ERICH6B: variants seen among roughly 807,000 people sequenced by gnomAD.
The protein encoded by ERICH6B is glutamate rich 6B.
A neutral mutation model predicts 80.0 loss-of-function variants in ERICH6B; 69 were observed. The ratio of observed to expected loss-of-function variants is 0.86; its 90% confidence interval spans 0.71 to 1.05. The LOEUF (loss-of-function observed/expected upper bound fraction) is 1.05, where lower values mean the gene tolerates loss of function less well. Ranked by LOEUF, ERICH6B falls within the 50% of genes least tolerant of loss-of-function variation. The pLI, the probability that ERICH6B is intolerant of heterozygous loss-of-function variation, is 0.00. For synonymous variants in ERICH6B, 283 were observed against 291.9 expected, an observed-to-expected ratio of 0.97 and a Z score of 0.31; for missense variants, 754 against 796.1, an observed-to-expected ratio of 0.95 and a Z score of 0.64.
intron 8 of ERICH6B, among the ~76,000 whole-genome samples, chr13:45,572,540 A>G (rs1432533374): frequency 6.6e-6 from 1 of 152,238 alleles, no homozygotes; most frequent in African/African-American, 2.4e-5. Context: ...AATGAATTAT[A>G]AAAACTCTTT....
At chr13:45,563,218 C>G (rs1217715113) in intron 10 of ERICH6B, among the ~76,000 whole-genome samples, 1 of 152,130 alleles carries the variant, frequency 6.6e-6, no homozygotes, top group African/African-American at 2.4e-5. Context: ...TGGAGTACCC[C>G]ACTCCCCCAA....
chr13:45,575,012 A>G, intron 7 of ERICH6B, 82 bp from the exon 8 acceptor site: 1 of 904,466 alleles, frequency 1.1e-6, no homozygotes, highest in Non-Finnish European at 1.7e-6. Flanking sequence ...AAGAATAGAA[A>G]TAGATTGATG....
At chr13:45,565,491 C>T (rs1463847383) in intron 9 of ERICH6B, among the ~76,000 whole-genome samples, 1 of 152,186 alleles carries the variant, frequency 6.6e-6, no homozygotes, top group African/African-American at 2.4e-5. Flanking sequence ...ACTGTCTTGC[C>T]ACCCAAATCT....
chr13:45,554,585 A>G (rs1311406904), intron 11 of ERICH6B, among the ~76,000 whole-genome samples: 4 of 152,256 alleles, frequency 2.6e-5, no homozygotes, highest in African/African-American at 9.6e-5. Context: ...CAAGAACCCC[A>G]TGGACAAAGC....
chr13:45,589,263 CA>C (rs1376096203), intron 4 of ERICH6B, among the ~76,000 whole-genome samples: 9 of 152,146 alleles, frequency 5.9e-5, no homozygotes. Flanking sequence ...AAGGCCCCCC[CA>C]GGGCCTCTCT....
chr13:45,547,549 C>T (rs566641520), intron 13 of ERICH6B, among the ~76,000 whole-genome samples: 31 of 152,260 alleles, frequency 2.0e-4, no homozygotes, highest in African/African-American at 6.7e-4. Flanking sequence ...AAAAGCCACA[C>T]GCAGGGGTGG....
At chr13:45,600,719 T>G (rs1949822309) in intron 2 of ERICH6B, among the ~76,000 whole-genome samples, 1 of 152,234 alleles carries the variant, frequency 6.6e-6, no homozygotes, top group South Asian at 2.1e-4. Flanking sequence ...CTATTTTGTA[T>G]ATATGCCACA....
At chr13:45,589,959 G>A (rs949767563) in intron 4 of ERICH6B, among the ~76,000 whole-genome samples, 1 of 152,174 alleles carries the variant, frequency 6.6e-6, no homozygotes. Flanking sequence ...GTGCCCTCAA[G>A]TTGTAACTTA....
At chr13:45,606,499 GTA>G (rs34684231) in intron 2 of ERICH6B, among the ~76,000 whole-genome samples, 2,953 of 40,484 alleles carry the variant, frequency 0.073, 189 homozygotes, top group East Asian at 0.18. Context: ...TCCCAAAAGT[GTA>G]TGTGTATATA....
chr13:45,546,874 C>A (rs2137957312), intron 13 of ERICH6B, among the ~76,000 whole-genome samples: 1 of 152,310 alleles, frequency 6.6e-6, no homozygotes, highest in South Asian at 2.1e-4. Flanking sequence ...GTCACTCAAT[C>A]CCAAATCCTC....
chr13:45,590,082 T>C (rs979809877), intron 4 of ERICH6B, among the ~76,000 whole-genome samples: 1 of 152,094 alleles, frequency 6.6e-6, no homozygotes, highest in Non-Finnish European at 1.5e-5. Context: ...GGGGAGAAAG[T>C]GTAGGGGACA....
chr13:45,577,473 G>A (rs904346201), intron 7 of ERICH6B, among the ~76,000 whole-genome samples: 3 of 151,688 alleles, frequency 2.0e-5, no homozygotes, highest in Non-Finnish European at 4.4e-5. Flanking sequence ...TAGTAGAGAC[G>A]GGGTTCTACC....
At chr13:45,566,276 AAAGAAAATCCTATTTTCTGAG>A (rs1164947636) in intron 9 of ERICH6B, among the ~76,000 whole-genome samples, 4 of 152,274 alleles carry the variant, frequency 2.6e-5, no homozygotes, top group Non-Finnish European at 4.4e-5. Flanking sequence ...ATGCAATAGA[AAAGAAAATCCTATTTTCTGAG>A]AAGAAAATCA....
intron 11 of ERICH6B, chr13:45,555,485 A>G (rs913696796): frequency 6.6e-6 from 1 of 152,216 alleles, no homozygotes; most frequent in Admixed American, 6.5e-5. Flanking sequence ...AATTGAGGCC[A>G]CACTCATGAT....
chr13:45,573,484 AT>A (rs1283893839), intron 8 of ERICH6B, among the ~76,000 whole-genome samples: 8 of 152,212 alleles, frequency 5.3e-5, no homozygotes, highest in Non-Finnish European at 1.0e-4. Context: ...CTACTTCAAT[AT>A]TTTAAAATGG....
intron 2 of ERICH6B, among the ~76,000 whole-genome samples, chr13:45,605,621 C>T: frequency 6.6e-6 from 1 of 152,242 alleles, no homozygotes; most frequent in Non-Finnish European, 1.5e-5. Flanking sequence ...GTTCTTTCCC[C>T]AGTGCCAAAT....
At chr13:45,586,944 G>T in intron 5 of ERICH6B, 119 bp downstream of exon 5, 1 of 1,090,944 alleles carries the variant, frequency 9.2e-7, no homozygotes, top group Non-Finnish European at 1.3e-6. Flanking sequence ...AGAAACAGTA[G>T]GATATCATTA....
chr13:45,566,518 T>G (rs573960863), intron 9 of ERICH6B, among the ~76,000 whole-genome samples: 2 of 152,314 alleles, frequency 1.3e-5, no homozygotes, highest in South Asian at 4.1e-4. Context: ...GCATACCAGC[T>G]GCTCCAGCCA....
intron 11 of ERICH6B, among the ~76,000 whole-genome samples, chr13:45,556,296 A>G (rs1874434742): frequency 6.6e-6 from 1 of 152,124 alleles, no homozygotes; most frequent in South Asian, 2.1e-4. Context: ...TAGGTTCTCC[A>G]CATGTATTTA....
Sources: gnomAD v4.1 joint callset for allele counts (sites outside exome capture counted in the v4.1 genomes callset) on GRCh38, gnomAD v4.1.1 for gene constraint, MANE v1.5 for transcripts, NCBI Gene and HGNC (gene_info 2026-07-23, HGNC 2026-07-21) for gene names.